RUNX3: variants seen among roughly 807,000 people sequenced by gnomAD.
The protein encoded by RUNX3 is RUNX family transcription factor 3, also known as runt-related transcription factor 3.
Under a neutral mutation model 27.7 loss-of-function variants are expected in RUNX3, and 10 were observed. That is an observed-to-expected ratio of 0.36 (90% CI 0.22 to 0.61). The LOEUF (loss-of-function observed/expected upper bound fraction) is 0.61. Among genes scored for constraint, RUNX3 ranks in the 20% least tolerant of loss-of-function variants. The pLI is 0.72. For missense variants in RUNX3, 469 were observed against 629.5 expected, an observed-to-expected ratio of 0.75 and a Z score of 2.73; for synonymous variants, 270 against 269.2, an observed-to-expected ratio of 1.00 and a Z score of -0.03.
chr1:24,901,986 A>G lies in RUNX3; in HGVS notation c.*136T>C, dbSNP rs1640561861. 4 of 793,420 alleles carry G rather than the reference A, an allele frequency of 5.0e-6. No individual in the cohort carries two copies. In the East Asian group the frequency reaches 8.1e-5, roughly 16 times the overall value. The allele number at this position is 793,420 out of a possible 1,614,324, so 49.1% of individuals were successfully genotyped here. A position where few individuals can be genotyped will look rare whatever the true frequency, so the allele number is the denominator to read the frequency against. On this transcript the variant is annotated 3_prime_UTR_variant, in exon 5 of 5. Coordinates refer to ENST00000308873, the MANE Select transcript of RUNX3 (RefSeq NM_004350.3). Reference sequence around the variant, plus strand: ...ACAGATGCAGCCAGAGGCTCCCACCAGCTGGGACCACCCTGGGACCGAGAC... The same window carrying G: ...ACAGATGCAGCCAGAGGCTCCCACCGGCTGGGACCACCCTGGGACCGAGAC...
intron 2 of RUNX3, among the ~76,000 whole-genome samples, chr1:24,944,753 T>G (rs1483139918): frequency 6.6e-6 from 1 of 152,112 alleles, no homozygotes; most frequent in Non-Finnish European, 1.5e-5. Flanking sequence ...CTATGAGCCA[T>G]GGAAAGCAGA....
chr1:24,963,107 T>C (rs1642162744), intron 2 of RUNX3: 1 of 152,274 alleles, frequency 6.6e-6, no homozygotes, highest in African/African-American at 2.4e-5. Context: ...CTAGGTTTGA[T>C]GGGAGTGCCC....
Position 24,919,264 on chromosome 1 carries a change from C to T in RUNX3, c.520G>A (p.Val174Met), listed in dbSNP as rs1296661198. The change falls in exon 3 of 5, where the codon GTG becomes ATG. Residue 174 changes from valine to methionine, a missense_variant. Val to Met is a conservative substitution (Grantham distance 21). This residue lies in a region of RUNX3 where 75 missense variants were observed against 168.5 expected (regional missense o/e 0.45). Coordinates refer to ENST00000308873, the MANE Select transcript of RUNX3 (RefSeq NM_004350.3). Reference sequence around the variant, plus strand: ...CGTCTGGGCTCCCGGGGTCCGTCCACGGTCACCTTGATGGCTCGGTGGTAG... The same window carrying T: ...CGTCTGGGCTCCCGGGGTCCGTCCATGGTCACCTTGATGGCTCGGTGGTAG... ...ATYHRAIKVTVDGPREPRRHR... is the reference protein window; with the variant it reads ...ATYHRAIKVTMDGPREPRRHR... 1 of 1,600,710 alleles carries T rather than the reference C, an allele frequency of 6.2e-7. No individual in the cohort carries two copies. Among genetic ancestry groups the T allele is most frequent in the Non-Finnish European group, 8.5e-7 (1 of 1,174,494 alleles).
At chr1:24,958,941 A>G (rs969116676) in intron 2 of RUNX3, among the ~76,000 whole-genome samples, 2 of 152,206 alleles carry the variant, frequency 1.3e-5, no homozygotes, top group African/African-American at 4.8e-5. Context: ...TCCCCAGGAG[A>G]TGGCAATAAG....
At position 24,903,976 on chromosome 1, in the gene RUNX3, T is replaced by G. The variant is rs76590056; in HGVS notation, c.704-1310A>C. On this transcript the variant is annotated intron_variant, in intron 4 of 4. Coordinates refer to ENST00000308873, the MANE Select transcript of RUNX3 (RefSeq NM_004350.3). ...GGCACAGAGCAGGGGTCCATGAGGC[T>G]TTGCAAGGCCACTGTGGCTGTGGTG... Among the ~76,000 whole-genome samples the G allele has an allele frequency of 1.5e-3, 231 of 152,316 alleles. 5 individuals carry two copies. The East Asian group carries it at 0.038, about 25-fold the overall frequency.
chr1:24,904,864 C>A lies in RUNX3; in HGVS notation c.704-2198G>T, dbSNP rs11249200. On this transcript the variant is annotated intron_variant, in intron 4 of 4. Transcript: ENST00000308873. This position sits in a 1 kb window ranked among gnomAD's most constrained non-coding sequence, Gnocchi z 5.7. ...AGCTTCCTTGGAGCTCCTGTACCCCCACCCTGCGGCCTCGCAGCCCCAGGA... is the reference window on the plus strand; with the variant it reads ...AGCTTCCTTGGAGCTCCTGTACCCCAACCCTGCGGCCTCGCAGCCCCAGGA... 6.6e-6 allele frequency among the ~76,000 whole-genome samples: 1 copy of A among 152,086 alleles called. No homozygotes were observed. Among genetic ancestry groups the A allele is most frequent in the African/African-American group, 2.4e-5 (1 of 41,380 alleles).
chr1:24,929,455 ACCGGGTGC>A, intron 1 of RUNX3, 124 bp downstream of exon 1: 1 of 924,320 alleles, frequency 1.1e-6, no homozygotes. Flanking sequence ...GCCAGACTGA[ACCGGGTGC>A]CCGGGTGTCG....
chr1:24,907,011 T>A (rs1227168955), intron 4 of RUNX3, among the ~76,000 whole-genome samples: 3 of 152,200 alleles, frequency 2.0e-5, no homozygotes, highest in Non-Finnish European at 4.4e-5. Context: ...GGTATGCAGA[T>A]CCCTGGGGCC....
Position 24,958,835 on chromosome 1 carries a change from G to A in RUNX3, c.58+5679C>T, listed in dbSNP as rs75666563. ...CTGACTCCTAGCAGAGGGGGTGTTT[G>A]GGTTCAGTCTGGAAGATTGGGTGAG... On this transcript the variant is annotated intron_variant, in intron 2 of 6. Coordinates refer to the RUNX3 transcript ENST00000338888. Among the ~76,000 whole-genome samples the A allele has an allele frequency of 5.5e-3, 831 of 152,348 alleles. 11 individuals carry two copies. The highest frequency in any genetic ancestry group is 0.019 in the African/African-American group (796 of 41,564).
intron 2 of RUNX3, among the ~76,000 whole-genome samples, chr1:24,939,946 C>A: frequency 6.6e-6 from 1 of 152,244 alleles, no homozygotes; most frequent in Non-Finnish European, 1.5e-5. Context: ...GGGCTTCATC[C>A]TGAGCCCCCT....
At chr1:24,921,964 T>G (rs773174883) in intron 2 of RUNX3, among the ~76,000 whole-genome samples, 1 of 152,160 alleles carries the variant, frequency 6.6e-6, no homozygotes, top group Non-Finnish European at 1.5e-5. Flanking sequence ...TTAATTAATT[T>G]TTTTGAGACA....
intron 2 of RUNX3, among the ~76,000 whole-genome samples, chr1:24,941,352 C>A (rs907242192): frequency 1.3e-5 from 2 of 152,226 alleles, no homozygotes; most frequent in Admixed American, 6.5e-5. Context: ...TCTGTCAATG[C>A]CAAAGTTGTG....
rs1029645604 is a variant in RUNX3, at chr1:24,962,545, G to T, written c.58+1969C>A. On this transcript the variant is annotated intron_variant, in intron 2 of 6. Transcript: ENST00000338888. The surrounding 1 kb of genome is among the most constrained non-coding windows in gnomAD (Gnocchi z 4.5). ...GGAGACAGGCCCCCATGGCGAGCAC[G>T]TCGTGAGCAGAAATGAACAGGAGAG... Among the ~76,000 whole-genome samples, 1 of 152,190 alleles carries T rather than the reference G, an allele frequency of 6.6e-6. No individual in the cohort carries two copies. Among genetic ancestry groups the T allele is most frequent in the Non-Finnish European group, 1.5e-5 (1 of 68,030 alleles).
chr1:24,929,554 C>T, intron 1 of RUNX3, 33 bp downstream of exon 1: 1 of 1,538,736 alleles, frequency 6.5e-7, no homozygotes, highest in Non-Finnish European at 8.7e-7. Context: ...AGCCCCAGGG[C>T]CGGCGCCCTC....
intron 2 of RUNX3, among the ~76,000 whole-genome samples, chr1:24,955,057 G>A (rs1157830437): frequency 2.6e-5 from 4 of 152,108 alleles, no homozygotes; most frequent in African/African-American, 9.7e-5. Context: ...TAATCCTTTT[G>A]TGTGATCCTT....
intron 3 of RUNX3, among the ~76,000 whole-genome samples, chr1:24,917,072 G>T (rs1467915629): frequency 6.6e-6 from 1 of 152,186 alleles, no homozygotes; most frequent in Non-Finnish European, 1.5e-5. Flanking sequence ...GCGGCTCTGG[G>T]GTGGGCTGGG....
intron 2 of RUNX3, among the ~76,000 whole-genome samples, chr1:24,938,310 A>G (rs1432256879): frequency 6.6e-6 from 1 of 152,198 alleles, no homozygotes; most frequent in Non-Finnish European, 1.5e-5. Context: ...CTAGAATTCC[A>G]TATTAATCTA....
At chr1:24,926,792 G>A (rs997608922) in intron 2 of RUNX3, among the ~76,000 whole-genome samples, 3 of 152,154 alleles carry the variant, frequency 2.0e-5, no homozygotes, top group African/African-American at 4.8e-5. Flanking sequence ...GCCACTTCTC[G>A]TAGGCAGGCT....
At chr1:24,928,902 C>A in intron 1 of RUNX3, 1 of 384,662 alleles carries the variant, frequency 2.6e-6, no homozygotes, top group Non-Finnish European at 5.1e-6. Flanking sequence ...TAGGGGAAAA[C>A]CGAGGCGTTT....
Sources: allele counts gnomAD v4.1 joint callset (sites outside exome capture counted in the v4.1 genomes callset), GRCh38; gene constraint gnomAD v4.1.1; regional missense constraint gnomAD v4.1.1; non-coding constraint Gnocchi (gnomAD v3.1); transcripts MANE v1.5; gene names NCBI Gene and HGNC (gene_info 2026-07-23, HGNC 2026-07-21).